Variants in TTC7A observed in about 807,000 individuals in gnomAD.
TTC7A encodes the protein tetratricopeptide repeat domain 7A, also known as tetratricopeptide repeat protein 7A.
In TTC7A, 110 loss-of-function variants were observed where a neutral mutation model predicts 103.7. That is an observed-to-expected ratio of 1.06 (90% CI 0.91 to 1.24). The LOEUF is 1.24. TTC7A is among the 50% of genes most tolerant of loss of function. The pLI, the probability that TTC7A is intolerant of heterozygous loss-of-function variation, is 0.00. For missense variants in TTC7A, 1,340 were observed against 1,116.3 expected, an observed-to-expected ratio of 1.20 and a Z score of -2.86; for synonymous variants, 521 against 467.9, an observed-to-expected ratio of 1.11 and a Z score of -1.47.
At chr2:47,004,325 C>A (rs542534251) in intron 8 of TTC7A, among the ~76,000 whole-genome samples, 14 of 152,326 alleles carry the variant, frequency 9.2e-5, no homozygotes, top group Middle Eastern at 3.4e-3. Context: ...TCTGGGAGGA[C>A]TCCCTCCAGC....
At chr2:46,916,163 T>A (rs1316324345) in exon 1 of TTC7A, 1 of 985,368 alleles carries the variant, frequency 1.0e-6, no homozygotes, top group Non-Finnish European at 1.2e-6. Context: ...CCCCCTCCTA[T>A]ACAGGGCTCT....
intron 18 of TTC7A, among the ~76,000 whole-genome samples, chr2:47,053,808 C>A (rs2104744179): frequency 6.6e-6 from 1 of 152,290 alleles, no homozygotes; most frequent in East Asian, 1.9e-4. Flanking sequence ...CTCCTCACCT[C>A]AGTGATCTGC....
At chr2:47,004,303 CT>C (rs2104444610) in intron 8 of TTC7A, among the ~76,000 whole-genome samples, 1 of 152,322 alleles carries the variant, frequency 6.6e-6, no homozygotes, top group Non-Finnish European at 1.5e-5. Flanking sequence ...GGTGTTTTGG[CT>C]TCCAGAGGCT....
chr2:46,939,297 G>A (rs568593313), upstream of TTC7A, among the ~76,000 whole-genome samples: 23 of 152,246 alleles, frequency 1.5e-4, no homozygotes, highest in African/African-American at 3.9e-4. Flanking sequence ...GCTCAAGCCT[G>A]TAATCCTAGC....
At chr2:47,003,383 G>A (rs1347554859) in intron 8 of TTC7A, among the ~76,000 whole-genome samples, 1 of 152,152 alleles carries the variant, frequency 6.6e-6, no homozygotes, top group Non-Finnish European at 1.5e-5. Context: ...GAATGGGGTT[G>A]TGAGGAGGTA....
At chr2:47,013,455 G>A (rs1029753827) in intron 11 of TTC7A, among the ~76,000 whole-genome samples, 22 of 152,136 alleles carry the variant, frequency 1.4e-4, no homozygotes, top group African/African-American at 4.8e-4. Context: ...TGCTCCTAGG[G>A]CTTCTGAGAG....
At chr2:47,051,106 C>T (rs1159014347) in intron 17 of TTC7A, among the ~76,000 whole-genome samples, 1 of 152,206 alleles carries the variant, frequency 6.6e-6, no homozygotes, top group Non-Finnish European at 1.5e-5. Flanking sequence ...CTTCACAGCA[C>T]AGCCTTGAAT....
chr2:47,018,561 G>A (rs1161431419), intron 11 of TTC7A, among the ~76,000 whole-genome samples: 5 of 134,944 alleles, frequency 3.7e-5, no homozygotes, highest in African/African-American at 5.7e-5. Flanking sequence ...GCCAGCTTGG[G>A]ATACAGAGTG....
At chr2:46,981,803 T>C (rs1347151715) in intron 5 of TTC7A, among the ~76,000 whole-genome samples, 1 of 152,236 alleles carries the variant, frequency 6.6e-6, no homozygotes, top group South Asian at 2.1e-4. Context: ...GAGCTGCTTA[T>C]CAGTAACCTT....
At chr2:47,047,405 C>A in intron 16 of TTC7A, 3 of 1,025,462 alleles carry the variant, frequency 2.9e-6, no homozygotes, top group South Asian at 1.4e-5. Flanking sequence ...GAGACCAGGG[C>A]AGAGGAGGAC....
At chr2:47,054,201 A>G in intron 18 of TTC7A, 1 of 983,408 alleles carries the variant, frequency 1.0e-6, no homozygotes, top group Non-Finnish European at 1.2e-6. Context: ...TGCATGTAGC[A>G]GATCCAAAAT....
chr2:47,038,043 G>A (rs1423573622), intron 15 of TTC7A, among the ~76,000 whole-genome samples: 1 of 152,024 alleles, frequency 6.6e-6, no homozygotes, highest in Non-Finnish European at 1.5e-5. Context: ...TTGAGATCAG[G>A]AGTTTGAGAC....
At chr2:46,977,138 T>C (rs967939805) in intron 4 of TTC7A, among the ~76,000 whole-genome samples, 1 of 152,234 alleles carries the variant, frequency 6.6e-6, no homozygotes, top group Non-Finnish European at 1.5e-5. Context: ...TGAGCTATAA[T>C]GCCAGGCACT....
At chr2:47,009,233 G>C (rs1161136020) in intron 10 of TTC7A, among the ~76,000 whole-genome samples, 1 of 152,132 alleles carries the variant, frequency 6.6e-6, no homozygotes, top group African/African-American at 2.4e-5. Context: ...TGGGCACCCT[G>C]TGGAGTCTCC....
intron 18 of TTC7A, among the ~76,000 whole-genome samples, chr2:47,057,497 A>G (rs1683414953): frequency 6.6e-6 from 1 of 152,166 alleles, no homozygotes; most frequent in South Asian, 2.1e-4. Flanking sequence ...ATACACTATG[A>G]GGGGTCCCCA....
At chr2:46,919,738 C>T (rs1422794195) in intron 2 of TTC7A, among the ~76,000 whole-genome samples, 1 of 152,182 alleles carries the variant, frequency 6.6e-6, no homozygotes, top group East Asian at 1.9e-4. Context: ...GGTGTGCGTT[C>T]TGCACAAGTA....
chr2:46,947,710 C>G (rs1241106832), intron 1 of TTC7A, among the ~76,000 whole-genome samples: 1 of 152,026 alleles, frequency 6.6e-6, no homozygotes, highest in East Asian at 1.9e-4. Flanking sequence ...GAGACCCTGT[C>G]TGAAAATAAA....
intron 8 of TTC7A, among the ~76,000 whole-genome samples, chr2:46,999,096 A>T (rs1399433892): frequency 6.6e-6 from 1 of 152,088 alleles, no homozygotes; most frequent in Non-Finnish European, 1.5e-5. Context: ...TCATTTCTGC[A>T]TCCGCCCATC....
At chr2:46,961,823 C>T (rs1272075832) in intron 3 of TTC7A, among the ~76,000 whole-genome samples, 1 of 151,426 alleles carries the variant, frequency 6.6e-6, no homozygotes, top group Non-Finnish European at 1.5e-5. Flanking sequence ...GCTGGAGAAT[C>T]GCTTGAACCT....
Sources: gnomAD v4.1 joint callset for allele counts (sites outside exome capture counted in the v4.1 genomes callset) on GRCh38, gnomAD v4.1.1 for gene constraint, MANE v1.5 for transcripts, NCBI Gene and HGNC (gene_info 2026-07-23, HGNC 2026-07-21) for gene names.